RASGRP1: variants seen among roughly 807,000 people sequenced by gnomAD.
RASGRP1 encodes the protein RAS guanyl-releasing protein 1.
In RASGRP1, 37 loss-of-function variants were observed where a neutral mutation model predicts 95.1. That is an observed-to-expected ratio of 0.39 (90% CI 0.30 to 0.51). RASGRP1 has a LOEUF of 0.51. Among genes scored for constraint, RASGRP1 ranks in the 20% least tolerant of loss-of-function variants. The pLI, the probability that RASGRP1 is intolerant of heterozygous loss-of-function variation, is 0.80. For synonymous variants in RASGRP1, 325 were observed against 353.4 expected (o/e 0.92, Z 0.90); for missense variants, 711 against 965.4 (o/e 0.74, Z 3.49).
At chr15:38,493,822 C>CA (rs2141075338) in intron 16 of RASGRP1, among the ~76,000 whole-genome samples, 1 of 152,304 alleles carries the variant, frequency 6.6e-6, no homozygotes, top group South Asian at 2.1e-4. Context: ...TGGTGAGCCA[C>CA]AATACACTCA....
chr15:38,511,924 C>G (rs1316679412), intron 7 of RASGRP1, among the ~76,000 whole-genome samples: 3 of 152,296 alleles, frequency 2.0e-5, no homozygotes, highest in East Asian at 3.9e-4. Context: ...CATTACATCT[C>G]TCTCCTTTTG....
At chr15:38,542,871 GTGTAT>G in intron 2 of RASGRP1, among the ~76,000 whole-genome samples, 1 of 131,672 alleles carries the variant, frequency 7.6e-6, no homozygotes, top group South Asian at 2.4e-4. Context: ...ACACATATAT[GTGTAT>G]ATATATACAC....
intron 2 of RASGRP1, among the ~76,000 whole-genome samples, chr15:38,543,220 G>A (rs1892973970): frequency 1.3e-5 from 2 of 151,844 alleles, no homozygotes; most frequent in African/African-American, 4.8e-5. Context: ...TTTTGTGTAT[G>A]GTGTGAGACA....
At chr15:38,513,193 A>T (rs560416660) in intron 6 of RASGRP1, among the ~76,000 whole-genome samples, 1 of 152,348 alleles carries the variant, frequency 6.6e-6, no homozygotes, top group African/African-American at 2.4e-5. Context: ...TATTAGGAAT[A>T]AGTGGATGTG....
At chr15:38,527,289 C>T (rs1892258148) in intron 2 of RASGRP1, among the ~76,000 whole-genome samples, 1 of 152,202 alleles carries the variant, frequency 6.6e-6, no homozygotes, top group Admixed American at 6.5e-5. Flanking sequence ...CAGCAAGAGA[C>T]TGGGAGTGGA....
intron 8 of RASGRP1, 48 bp downstream of exon 8, chr15:38,511,556 C>T (rs766269361): frequency 2.8e-6 from 4 of 1,423,490 alleles, no homozygotes; most frequent in African/African-American, 1.4e-5. Flanking sequence ...TGTTGGCACA[C>T]ATCTTGAGAA....
chr15:38,533,205 G>A (rs763350168), intron 2 of RASGRP1, among the ~76,000 whole-genome samples: 6 of 152,144 alleles, frequency 3.9e-5, no homozygotes, highest in Non-Finnish European at 5.9e-5. Flanking sequence ...AATAACAGGT[G>A]TGCCACAACC....
chr15:38,500,926 A>G (rs951462170), intron 13 of RASGRP1, among the ~76,000 whole-genome samples: 11 of 152,160 alleles, frequency 7.2e-5, no homozygotes, highest in Middle Eastern at 3.2e-3. Flanking sequence ...GGTACCATTT[A>G]TCTAAGGCCT....
At chr15:38,563,064 G>A (rs779235015) in intron 1 of RASGRP1, among the ~76,000 whole-genome samples, 1 of 152,174 alleles carries the variant, frequency 6.6e-6, no homozygotes, top group Non-Finnish European at 1.5e-5. Flanking sequence ...CAGCCTCAGA[G>A]TTCTAAGAAG....
intron 2 of RASGRP1, chr15:38,534,668 G>A (rs1892571594): frequency 6.6e-6 from 1 of 152,272 alleles, no homozygotes; most frequent in African/African-American, 2.4e-5. Context: ...GGGCAGTGAT[G>A]ACAGCTGGTG....
At chr15:38,496,009 C>G (rs1487246521) in intron 15 of RASGRP1, among the ~76,000 whole-genome samples, 1 of 152,118 alleles carries the variant, frequency 6.6e-6, no homozygotes, top group Non-Finnish European at 1.5e-5. Flanking sequence ...CAAAAAGCAA[C>G]AGAAAGCCCT....
intron 13 of RASGRP1, among the ~76,000 whole-genome samples, chr15:38,500,834 G>T (rs1002127989): frequency 3.3e-5 from 5 of 152,090 alleles, no homozygotes; most frequent in African/African-American, 1.2e-4. Context: ...AAGACAGAAG[G>T]TATCTCATAT....
At position 38,505,862 on chromosome 15, in the gene RASGRP1, T is replaced by C; in HGVS notation, c.1301A>G (p.Glu434Gly). ...DEIYELSYAR[E>G]PRNHRAPPLT... ...CACTGGAGCTCTGTGGTTCCTTGGTTCCCGGGCATAGGAAAGCTCATAGAT... is the reference window on the plus strand; with the variant it reads ...CACTGGAGCTCTGTGGTTCCTTGGTCCCCGGGCATAGGAAAGCTCATAGAT... Residue 434 changes from glutamate to glycine, a missense_variant, in exon 10 of 17, where the codon GAA becomes GGA. Around this residue, in one of 3 missense-constraint regions of RASGRP1, gnomAD observed 491 missense variants for 676.6 expected, o/e 0.73. Transcript: ENST00000310803. 6.2e-7 allele frequency: 1 copy of C among 1,611,704 alleles called. No individual in the cohort carries two copies. Among genetic ancestry groups the C allele is most frequent in the Non-Finnish European group, 8.5e-7 (1 of 1,178,410 alleles).
chr15:38,535,281 T>C (rs1892600714), intron 2 of RASGRP1, among the ~76,000 whole-genome samples: 1 of 152,148 alleles, frequency 6.6e-6, no homozygotes, highest in African/African-American at 2.4e-5. Flanking sequence ...GGTAGGAATA[T>C]ACTTGGAAGA....
intron 8 of RASGRP1, among the ~76,000 whole-genome samples, 200 bp from the exon 9 acceptor site, chr15:38,508,201 T>C (rs1385633942): frequency 6.6e-6 from 1 of 152,192 alleles, no homozygotes; most frequent in East Asian, 1.9e-4. Flanking sequence ...AGAATATATT[T>C]ATAAACACAA....
At chr15:38,518,551 G>GTA in intron 4 of RASGRP1, 128 bp from the exon 5 acceptor site, 1 of 991,690 alleles carries the variant, frequency 1.0e-6, no homozygotes, top group African/African-American at 1.6e-5. Context: ...TCGTCTATTA[G>GTA]TATATTGAAG....
At chr15:38,519,902 C>T (rs777981238) in intron 3 of RASGRP1, among the ~76,000 whole-genome samples, 96 of 152,126 alleles carry the variant, frequency 6.3e-4, no homozygotes, top group Non-Finnish European at 1.0e-4. Flanking sequence ...ATGAAAGTTA[C>T]AATATATACA....
rs78911802 is a variant in RASGRP1, at chr15:38,512,230, G to A, written c.850-510C>T. ...ATTTACCAGACTTTTATTTTTGAGG[G>A]TAAGGACTTTGTCTTATTTTCCCAT... is the stretch of plus-strand genomic sequence containing the variant. On this transcript the variant is annotated intron_variant, in intron 7 of 16. Transcript: ENST00000310803. Among the ~76,000 whole-genome samples the A allele has an allele frequency of 2.6e-4, 39 of 152,254 alleles. No individual in the cohort carries two copies. The East Asian group carries it at 5.8e-3, about 23-fold the overall frequency.
intron 16 of RASGRP1, among the ~76,000 whole-genome samples, chr15:38,491,632 A>C (rs1890587801): frequency 6.6e-6 from 1 of 152,148 alleles, no homozygotes; most frequent in African/African-American, 2.4e-5. Flanking sequence ...ATATATTGTA[A>C]ATACTGATTT....
Sources: gnomAD v4.1 joint callset for allele counts (sites outside exome capture counted in the v4.1 genomes callset) on GRCh38, gnomAD v4.1.1 for gene constraint, gnomAD v4.1.1 regional missense constraint, MANE v1.5 for transcripts, NCBI Gene and HGNC (gene_info 2026-07-23, HGNC 2026-07-21) for gene names.